Variants in CSMD1 observed in about 807,000 individuals in gnomAD.
CSMD1 encodes the protein CUB and Sushi multiple domains 1, also known as CUB and sushi domain-containing protein 1.
A neutral mutation model predicts 417.5 loss-of-function variants in CSMD1; 213 were observed. The ratio of observed to expected loss-of-function variants is 0.51; its 90% confidence interval spans 0.46 to 0.57. CSMD1 has a LOEUF of 0.57. Among genes scored for constraint, CSMD1 ranks in the 20% least tolerant of loss-of-function variants. The pLI, the probability that CSMD1 is intolerant of heterozygous loss-of-function variation, is 0.00. For synonymous variants in CSMD1, 2,862 were observed against 1,736.8 expected (o/e 1.65, Z -16.11); for missense variants, 6,923 against 4,529.7 (o/e 1.53, Z -15.17).
intron 1 of CSMD1, among the ~76,000 whole-genome samples, chr8:4,925,214 G>GT (rs1806772745): frequency 2.4e-5 from 1 of 41,538 alleles, no homozygotes; most frequent in Non-Finnish European, 4.9e-5. Flanking sequence ...CCAGTTTTAT[G>GT]GTTTTTTTTT....
rs1799713194 is a variant in CSMD1, at chr8:4,460,005, T to TA, written c.303-39941dup. ...TCAGACTAGACAACCAAAATAGTAC[T>TA]ATAAACCAACTGGAATGAACAGACA... is the stretch of plus-strand genomic sequence containing the variant. On this transcript the variant is annotated intron_variant, in intron 2 of 69. Coordinates refer to ENST00000635120, the MANE Select transcript of CSMD1 (RefSeq NM_033225.6). Among the ~76,000 whole-genome samples the TA allele has an allele frequency of 6.6e-5, 10 of 152,206 alleles. No individual in the cohort carries two copies. In the South Asian group the frequency reaches 2.1e-3, roughly 32 times the overall value.
intron 2 of CSMD1, among the ~76,000 whole-genome samples, chr8:4,600,282 G>C (rs769169385): frequency 2.0e-5 from 3 of 152,098 alleles, no homozygotes; most frequent in Non-Finnish European, 4.4e-5. Flanking sequence ...CTTCCAGGTT[G>C]ACCTTAGGTA....
intron 1 of CSMD1, among the ~76,000 whole-genome samples, chr8:4,890,731 T>C (rs569420787): frequency 2.6e-5 from 4 of 152,256 alleles, no homozygotes; most frequent in Admixed American, 6.5e-5. Flanking sequence ...GCAAAAGTAA[T>C]TGCGGTGTTT....
chr8:3,231,103 TC>T (rs1164556517), intron 26 of CSMD1, among the ~76,000 whole-genome samples: 2 of 152,106 alleles, frequency 1.3e-5, no homozygotes, highest in Non-Finnish European at 2.9e-5. Context: ...CACCAGAGTA[TC>T]CCCCATCACT....
At chr8:3,720,078 A>G (rs1802065195) in intron 6 of CSMD1, among the ~76,000 whole-genome samples, 1 of 152,220 alleles carries the variant, frequency 6.6e-6, no homozygotes, top group African/African-American at 2.4e-5. Flanking sequence ...TCAGAAAATG[A>G]AGAACTTTCC....
intron 23 of CSMD1, among the ~76,000 whole-genome samples, chr8:3,328,280 T>A (rs1266467807): frequency 6.6e-6 from 1 of 152,178 alleles, no homozygotes; most frequent in Non-Finnish European, 1.5e-5. Flanking sequence ...CATAAATGCT[T>A]TTTCCACATT....
chr8:3,340,282 C>G (rs976981158), intron 23 of CSMD1, among the ~76,000 whole-genome samples: 1 of 152,146 alleles, frequency 6.6e-6, no homozygotes, highest in Admixed American at 6.5e-5. Context: ...TTCCCAAGAC[C>G]TGGAATTACC....
rs571390824 is a variant in CSMD1, at chr8:4,788,115, G to T, written c.86-150557C>A. 14 of 1,603,606 alleles carry T rather than the reference G, an allele frequency of 8.7e-6. No homozygotes were observed. In the South Asian group the frequency reaches 1.6e-4, roughly 18 times the overall value. ...GAAATCAGAAAGTCAGTGCAGGGTT[G>T]TAGTGTTGATGGGCTCTACTTCTGA... On this transcript the variant is annotated intron_variant, in intron 1 of 69. Coordinates refer to ENST00000635120, the MANE Select transcript of CSMD1 (RefSeq NM_033225.6).
chr8:3,441,682 G>A (rs1051630748), intron 12 of CSMD1, among the ~76,000 whole-genome samples: 2 of 152,172 alleles, frequency 1.3e-5, no homozygotes, highest in South Asian at 4.1e-4. Flanking sequence ...TGGTGATGCT[G>A]GTGTAAATAA....
At chr8:3,846,130 A>T (rs1444829793) in intron 5 of CSMD1, among the ~76,000 whole-genome samples, 1 of 152,178 alleles carries the variant, frequency 6.6e-6, no homozygotes, top group Non-Finnish European at 1.5e-5. Flanking sequence ...AACCAGTACC[A>T]TGGTTGTTTA....
At chr8:4,667,299 T>G (rs908792245) in intron 1 of CSMD1, among the ~76,000 whole-genome samples, 6 of 152,166 alleles carry the variant, frequency 3.9e-5, no homozygotes, top group Non-Finnish European at 7.4e-5. Flanking sequence ...GTGATCCAAT[T>G]TAGTGCTTCT....
chr8:4,162,104 C>A (rs1305230784), intron 3 of CSMD1, among the ~76,000 whole-genome samples: 2 of 152,146 alleles, frequency 1.3e-5, no homozygotes. Flanking sequence ...AACACTGAAG[C>A]AATATATGGT....
intron 9 of CSMD1, among the ~76,000 whole-genome samples, chr8:3,577,868 C>T (rs938177110): frequency 6.6e-6 from 1 of 152,066 alleles, no homozygotes; most frequent in East Asian, 1.9e-4. Context: ...GTCAGAATCA[C>T]CCTCAGTTTT....
At chr8:4,336,541 C>G (rs764865394) in intron 3 of CSMD1, among the ~76,000 whole-genome samples, 1 of 152,122 alleles carries the variant, frequency 6.6e-6, no homozygotes, top group East Asian at 1.9e-4. Flanking sequence ...GAATGTCATG[C>G]TGCTTGTTTT....
chr8:4,073,446 C>T (rs554568939), intron 3 of CSMD1, among the ~76,000 whole-genome samples: 1 of 152,110 alleles, frequency 6.6e-6, no homozygotes, highest in African/African-American at 2.4e-5. Flanking sequence ...TTCTGTGCGA[C>T]TGTCTTACTT....
chr8:4,694,172 C>T (rs1173898701), intron 1 of CSMD1, among the ~76,000 whole-genome samples: 7 of 152,250 alleles, frequency 4.6e-5, no homozygotes, highest in Non-Finnish European at 1.0e-4. Context: ...GAGCTCAAAG[C>T]CTTCCTTCTG....
intron 10 of CSMD1, among the ~76,000 whole-genome samples, chr8:3,557,750 T>A (rs796496974): frequency 9.2e-5 from 14 of 152,310 alleles, no homozygotes; most frequent in African/African-American, 3.4e-4. Context: ...CTTAGTCCCC[T>A]AGTAGGTGAC....
intron 6 of CSMD1, among the ~76,000 whole-genome samples, chr8:3,747,977 G>A (rs961774859): frequency 3.3e-5 from 5 of 151,982 alleles, no homozygotes; most frequent in African/African-American, 9.7e-5. Context: ...AGTCCACCAT[G>A]GTTCTCCAAG....
intron 26 of CSMD1, among the ~76,000 whole-genome samples, chr8:3,274,706 C>G (rs1679761199): frequency 6.6e-6 from 1 of 152,028 alleles, no homozygotes; most frequent in South Asian, 2.1e-4. Context: ...CTCTTTTGAT[C>G]TTTGTTGGTT....
Sources: gnomAD v4.1 joint callset for allele counts (sites outside exome capture counted in the v4.1 genomes callset) on GRCh38, gnomAD v4.1.1 for gene constraint, MANE v1.5 for transcripts, NCBI Gene and HGNC (gene_info 2026-07-23, HGNC 2026-07-21) for gene names.